ATMIN: variants seen among roughly 807,000 people sequenced by gnomAD.
The protein encoded by ATMIN is ATM INteracting protein.
Under a neutral mutation model 49.2 loss-of-function variants are expected in ATMIN, and 24 were observed. That is an observed-to-expected ratio of 0.49 (90% CI 0.35 to 0.69). The LOEUF is 0.69. Ranked by LOEUF, ATMIN falls within the 30% of genes least tolerant of loss-of-function variation. The pLI is 0.00. For missense variants in ATMIN, 1,037 were observed against 1,005.5 expected (o/e 1.03, Z -0.42); for synonymous variants, 450 against 392.5 (o/e 1.15, Z -1.73).
In ATMIN at chr16:81,043,578, C is replaced by G. The variant is rs1034275611; in HGVS notation, c.1080C>G (p.Cys360Trp). 6.2e-7 allele frequency: 1 copy of G among 1,614,136 alleles called. No individual in the cohort carries two copies. Among genetic ancestry groups the G allele is most frequent in the African/African-American group, 1.3e-5 (1 of 75,064 alleles). ...TCCTCGGCCTAGATTCAGAGGCTTG[C>G]TCTCTTAAGGAGAGCCTACCTCTTT... Reference protein sequence around the residue: ...TLILGLDSEACSLKESLPLFK... With the variant: ...TLILGLDSEAWSLKESLPLFK... Residue 360 changes from cysteine (C) to tryptophan (W), a missense_variant, in exon 4 of 4, where the codon TGC (cysteine) becomes TGG (tryptophan). Coordinates refer to ENST00000299575, the MANE Select transcript of ATMIN (RefSeq NM_015251.3).
At chr16:81,041,965 GGGCGTC>G (rs1319761017) in intron 2 of ATMIN, among the ~76,000 whole-genome samples, 1 of 152,218 alleles carries the variant, frequency 6.6e-6, no homozygotes, top group African/African-American at 2.4e-5. Flanking sequence ...GTCTGCTGGA[GGGCGTC>G]CTGAGAAGAG....
chr16:81,036,293 G>C, intron 1 of ATMIN, 87 bp downstream of exon 1: 1 of 1,098,014 alleles, frequency 9.1e-7, no homozygotes, highest in Non-Finnish European at 1.1e-6. Context: ...GGCCTCGGGG[G>C]GACGAGCGCC....
chr16:81,045,054 T>A lies in ATMIN; in HGVS notation c.*84T>A. 6.7e-7 allele frequency: 1 copy of A among 1,498,200 alleles called. No homozygotes were observed. Among genetic ancestry groups the A allele is most frequent in the Non-Finnish European group, 9.0e-7 (1 of 1,115,278 alleles). 92.8% of individuals were successfully genotyped at this position (1,498,200 alleles called of 1,614,324 possible). A position where few individuals can be genotyped will look rare whatever the true frequency, so the allele number is the denominator to read the frequency against. ...ACGGACTGGGGACAACAGTATTAAT[T>A]CGATTGAATGTGGCTGATGATGCAG... On this transcript the variant is annotated 3_prime_UTR_variant, in exon 4 of 4. Transcript: ENST00000299575.
chr16:81,036,206 G>C lies in ATMIN; in HGVS notation c.336G>C (p.Gln112His). ...NMHLVKSHRL[Q>H]DGIVNPTIRK... The stretch of plus-strand genomic sequence containing the variant: ...ACCTAGTCAAGAGCCACCGCCTGCA[G>C]GTGAGCCCGACGCGGCCGGCGGCCC... The change falls in exon 1 of 4, where the codon CAG becomes CAC. Residue 112 changes from glutamine (Q) to histidine (H), a missense_variant and splice_region_variant. By Grantham distance (24) the Gln-to-His change is conservative. Coordinates refer to ENST00000299575, the MANE Select transcript of ATMIN (RefSeq NM_015251.3). 7.0e-7 allele frequency: 1 copy of C among 1,431,900 alleles called. No individual in the cohort carries two copies. The highest frequency in any genetic ancestry group is 9.2e-7 in the Non-Finnish European group (1 of 1,084,212). 88.7% of individuals were successfully genotyped at this position (1,431,900 alleles called of 1,614,324 possible). A position where few individuals can be genotyped will look rare whatever the true frequency, so the allele number is the denominator to read the frequency against.
At position 81,043,748 on chromosome 16, in the gene ATMIN, T is replaced by C. The variant is rs146825471; in HGVS notation, c.1250T>C (p.Leu417Pro). The change falls in exon 4 of 4, where the codon CTG (leucine) becomes CCG (proline). Residue 417 changes from leucine to proline, a missense_variant. By Grantham distance (98) the Leu-to-Pro change is moderately conservative. Transcript: ENST00000299575. Reference sequence around the variant, plus strand: ...TCTTCAATCAACGTGCAGACAGATCTGTCTTATGCCTCACAAAACTTTATA... The same window carrying C: ...TCTTCAATCAACGTGCAGACAGATCCGTCTTATGCCTCACAAAACTTTATA... ...SISSINVQTD[L>P]SYASQNFIPS... The C allele has an allele frequency of 1.8e-5, 29 of 1,614,284 alleles. No homozygotes were observed. The highest frequency in any genetic ancestry group is 2.3e-5 in the Non-Finnish European group (27 of 1,180,048).
chr16:81,037,051 A>G, intron 1 of ATMIN: 1 of 410,082 alleles, frequency 2.4e-6, no homozygotes, highest in Non-Finnish European at 3.3e-6. Context: ...ACGTTATGCA[A>G]AACAGGGCAG....
In ATMIN at chr16:81,046,992, C is replaced by T. The variant is rs1329745625; in HGVS notation, c.*2022C>T. The T allele has an allele frequency of 1.3e-5, 2 of 152,594 alleles. No individual in the cohort carries two copies. Among genetic ancestry groups the T allele is most frequent in the East Asian group, 3.8e-4 (2 of 5,196 alleles). 9.5% of individuals were successfully genotyped at this position (152,594 alleles called of 1,614,324 possible). ...TTAGAATCATCACTGCCTTAATATT[C>T]AAGCATCTATTTAAGTCCTAATAAA... is the stretch of plus-strand genomic sequence containing the variant. On this transcript the variant is annotated 3_prime_UTR_variant, in exon 4 of 4. Coordinates refer to ENST00000299575, the MANE Select transcript of ATMIN (RefSeq NM_015251.3).
intron 1 of ATMIN, 26 bp downstream of exon 1, chr16:81,036,232 G>A (rs1485508305): frequency 1.5e-6 from 2 of 1,363,604 alleles, no homozygotes; most frequent in East Asian, 3.4e-5. Flanking sequence ...CCGGCGGCCC[G>A]GGGGGCCGGG....
At chr16:81,041,743 G>A in intron 2 of ATMIN, 1 of 323,262 alleles carries the variant, frequency 3.1e-6, no homozygotes. Context: ...GAAAATGTTT[G>A]CTCGCAGATC....
intron 1 of ATMIN, among the ~76,000 whole-genome samples, chr16:81,036,559 T>C (rs1229685278): frequency 1.3e-5 from 2 of 152,192 alleles, no homozygotes; most frequent in Non-Finnish European, 2.9e-5. Context: ...GGACGCATCG[T>C]CTCCATTATA....
chr16:81,045,014 C>G lies in ATMIN; in HGVS notation c.*44C>G, dbSNP rs760010810. The G allele has an allele frequency of 1.3e-6, 2 of 1,576,710 alleles. No individual in the cohort carries two copies. The highest frequency in any genetic ancestry group is 2.3e-5 in the South Asian group (2 of 85,568). The stretch of plus-strand genomic sequence containing the variant: ...TGTGTGAAATGGCATCTACCATTTC[C>G]TCTGGATTAAAACTACGGACTGGGG... On this transcript the variant is annotated 3_prime_UTR_variant, in exon 4 of 4. Coordinates refer to ENST00000299575, the MANE Select transcript of ATMIN (RefSeq NM_015251.3).
In ATMIN at chr16:81,044,735, C is replaced by G. The variant is rs764129234; in HGVS notation, c.2237C>G (p.Ser746Cys). The G allele has an allele frequency of 1.2e-6, 2 of 1,614,180 alleles. No homozygotes were observed. The highest frequency in any genetic ancestry group is 8.5e-7 in the Non-Finnish European group (1 of 1,180,038). ...ACAGAGACCCAAACTGAAGGAGTCT[C>G]CACTGCTAAAAATATACCTGCTCTA... ...SDTETQTEGV[S>C]TAKNIPALES... is the part of the protein sequence containing the mutation. Residue 746 changes from serine to cysteine, a missense_variant, in exon 4 of 4, where the codon TCC (serine) becomes TGC (cysteine). Physicochemically the swap from Ser to Cys is moderately radical, Grantham distance 112. Transcript: ENST00000299575.
At position 81,035,859 on chromosome 16, in the gene ATMIN, C is replaced by T. The variant is rs1486803556; in HGVS notation, c.-12C>T. 5.9e-6 allele frequency: 5 copies of T among 844,436 alleles called. No individual in the cohort carries two copies. Among genetic ancestry groups the T allele is most frequent in the African/African-American group, 1.9e-5 (1 of 54,008 alleles). The allele number at this position is 844,436 out of a possible 1,614,324, so 52.3% of individuals were successfully genotyped here. A position where few individuals can be genotyped will look rare whatever the true frequency, so the allele number is the denominator to read the frequency against. ...GGGCCTACGAACTGGGCCGGGCGGC[C>T]GTGCGGGAGCCATGGCGGCCTCGGA... is the stretch of plus-strand genomic sequence containing the variant. On this transcript the variant is annotated 5_prime_UTR_variant, in exon 1 of 4. Transcript: ENST00000299575.
In ATMIN at chr16:81,046,231, AAAAGGGCATCC is replaced by A. The variant is rs1291388044; in HGVS notation, c.*1262_*1272del. 2.0e-5 allele frequency: 3 copies of A among 152,136 alleles called. No homozygotes were observed. Among genetic ancestry groups the A allele is most frequent in the Non-Finnish European group, 4.4e-5 (3 of 68,012 alleles). 9.4% of individuals were successfully genotyped at this position (152,136 alleles called of 1,614,324 possible). A position where few individuals can be genotyped will look rare whatever the true frequency, so the allele number is the denominator to read the frequency against. On this transcript the variant is annotated 3_prime_UTR_variant, in exon 4 of 4. Transcript: ENST00000299575. ...AAAATTAAACAAGAAAAAAAGTGGG[AAAAGGGCATCC>A]CCCATTAGGTTTCAATACTTTGCAC... is the stretch of plus-strand genomic sequence containing the variant.
chr16:81,045,142 G>A lies in ATMIN; in HGVS notation c.*172G>A. 1.2e-6 allele frequency: 1 copy of A among 851,032 alleles called. No individual in the cohort carries two copies. The highest frequency in any genetic ancestry group is 1.7e-6 in the Non-Finnish European group (1 of 576,972). The allele number at this position is 851,032 out of a possible 1,614,324, so 52.7% of individuals were successfully genotyped here. ...TGTAAACAGAAATTTGCGTATAAAT[G>A]TGAGTGTATTATAAAGTTTGAGATG... On this transcript the variant is annotated 3_prime_UTR_variant, in exon 4 of 4. Coordinates refer to ENST00000299575, the MANE Select transcript of ATMIN (RefSeq NM_015251.3).
chr16:81,039,930 CCTT>C (rs1158807173), intron 1 of ATMIN, among the ~76,000 whole-genome samples: 1 of 152,250 alleles, frequency 6.6e-6, no homozygotes, highest in South Asian at 2.1e-4. Flanking sequence ...CAAACCGTTT[CCTT>C]CTTGGATGCT....
In ATMIN at chr16:81,043,425, G is replaced by T. The variant is rs1322338277; in HGVS notation, c.927G>T (p.Met309Ile). ...TGGCTTTGGTTAAACTACCCGTGAT[G>T]CAGTTTTCTGTCATGCCTGTCTTTG... Reference protein sequence around the residue: ...PKVALVKLPVMQFSVMPVFVP... With the variant: ...PKVALVKLPVIQFSVMPVFVP... The change falls in exon 4 of 4, where the codon ATG becomes ATT. Residue 309 changes from methionine to isoleucine, a missense_variant. Met to Ile is a conservative substitution (Grantham distance 10). Transcript: ENST00000299575. 1.2e-6 allele frequency: 2 copies of T among 1,613,716 alleles called. No individual in the cohort carries two copies. Among genetic ancestry groups the T allele is most frequent in the Non-Finnish European group, 1.7e-6 (2 of 1,179,994 alleles).
chr16:81,041,881 G>A (rs1971042486), intron 2 of ATMIN, among the ~76,000 whole-genome samples: 1 of 152,180 alleles, frequency 6.6e-6, no homozygotes, highest in African/African-American at 2.4e-5. Flanking sequence ...TTAAGAGGAG[G>A]GAGGGCCCCA....
Position 81,044,583 on chromosome 16 carries a change from A to G in ATMIN, c.2085A>G (p.Leu695=). ...SYGCRGNSNF[L]GLEMFDTQTQ... is the part of the protein sequence containing the mutation. ...GGTGTAGGGGAAATTCTAACTTCTT[A>G]GGCCTTGAGATGTTTGACACACAGA... Residue 695 remains leucine (L), a synonymous_variant, in exon 4 of 4, where the codon TTA becomes TTG. Coordinates refer to ENST00000299575, the MANE Select transcript of ATMIN (RefSeq NM_015251.3). 1.2e-6 allele frequency: 2 copies of G among 1,614,128 alleles called. No individual in the cohort carries two copies. The highest frequency in any genetic ancestry group is 8.5e-7 in the Non-Finnish European group (1 of 1,180,028).
Sources: allele counts gnomAD v4.1 joint callset (sites outside exome capture counted in the v4.1 genomes callset), GRCh38; gene constraint gnomAD v4.1.1; transcripts MANE v1.5; gene names NCBI Gene and HGNC (gene_info 2026-07-23, HGNC 2026-07-21).